SLC47A1: variants seen among roughly 807,000 people sequenced by gnomAD.
SLC47A1 encodes the protein solute carrier family 47 member 1, also known as multidrug and toxin extrusion protein 1.
SLC47A1 carries 58 observed loss-of-function variants against 65.8 expected under a neutral mutation model. That is an observed-to-expected ratio of 0.88 (90% CI 0.71 to 1.10). The LOEUF (loss-of-function observed/expected upper bound fraction) is 1.10, where lower values mean the gene tolerates loss of function less well. SLC47A1 is among the 50% of genes least tolerant of loss of function. The pLI, the probability that SLC47A1 is intolerant of heterozygous loss-of-function variation, is 0.00. For missense variants in SLC47A1, 706 were observed against 719.2 expected (o/e 0.98, Z 0.21); for synonymous variants, 285 against 295.0 (o/e 0.97, Z 0.35).
chr17:19,577,399 A>G lies in SLC47A1; in HGVS notation c.1559A>G (p.Gln520Arg). 6.2e-7 allele frequency: 1 copy of G among 1,614,232 alleles called. No individual in the cohort carries two copies. The highest frequency in any genetic ancestry group is 1.1e-5 in the South Asian group (1 of 91,090). ...ACAGGCGAGCCTCAGTCAGATCAGC[A>G]GATGCGCCAAGAAGAACCTTTGCCG... is the stretch of plus-strand genomic sequence containing the variant. ...GKTGEPQSDQ[Q>R]MRQEEPLPEH... is the part of the protein sequence containing the mutation. Residue 520 changes from glutamine (Q) to arginine (R), a missense_variant, in exon 17 of 17, where the codon CAG (glutamine) becomes CGG (arginine). By Grantham distance (43) the Gln-to-Arg change is conservative. Coordinates refer to ENST00000270570, the MANE Select transcript of SLC47A1 (RefSeq NM_018242.3).
chr17:19,575,964 AG>A (rs1222831664), intron 16 of SLC47A1, among the ~76,000 whole-genome samples: 4 of 152,164 alleles, frequency 2.6e-5, no homozygotes, highest in Admixed American at 6.6e-5. Flanking sequence ...GAGAGGAGAT[AG>A]GGCATTTGGT....
chr17:19,551,720 T>C (rs916309843), intron 6 of SLC47A1, among the ~76,000 whole-genome samples: 2 of 152,228 alleles, frequency 1.3e-5, no homozygotes, highest in East Asian at 1.9e-4. Context: ...CACTTGGAAA[T>C]ATTGTCATTG....
chr17:19,560,956 G>C (rs562553264), intron 12 of SLC47A1, among the ~76,000 whole-genome samples: 76 of 152,020 alleles, frequency 5.0e-4, no homozygotes, highest in African/African-American at 1.8e-3. Context: ...TTTAAAACTA[G>C]GAATTTTTTT....
intron 16 of SLC47A1, among the ~76,000 whole-genome samples, chr17:19,576,383 T>C (rs898442412): frequency 5.5e-5 from 8 of 144,888 alleles, no homozygotes; most frequent in Middle Eastern, 3.2e-3. Flanking sequence ...ACTGGGTCTC[T>C]CTCTGTCACT....
chr17:19,568,062 T>A (rs2084373955), intron 14 of SLC47A1: 1 of 152,248 alleles, frequency 6.6e-6, no homozygotes, highest in Admixed American at 6.5e-5. Flanking sequence ...TATTGGCAGT[T>A]AATAAATGAT....
intron 8 of SLC47A1, 44 bp downstream of exon 8, chr17:19,555,734 T>C: frequency 6.2e-7 from 1 of 1,613,698 alleles, no homozygotes; most frequent in South Asian, 1.1e-5. Flanking sequence ...GTGGGTTTTG[T>C]CTCAGGTTGA....
At chr17:19,574,015 C>T (rs963728313) in intron 16 of SLC47A1, among the ~76,000 whole-genome samples, 1 of 151,156 alleles carries the variant, frequency 6.6e-6, no homozygotes, top group African/African-American at 2.4e-5. Context: ...CTCCGCCTCC[C>T]GGGTTCAAGC....
chr17:19,543,112 TC>T (rs1210993302), intron 2 of SLC47A1, among the ~76,000 whole-genome samples: 9 of 122,830 alleles, frequency 7.3e-5, no homozygotes, highest in African/African-American at 2.4e-4. Flanking sequence ...TTATTTCTTT[TC>T]TTTTTTTTTT....
chr17:19,553,304 T>C (rs1413175247), intron 6 of SLC47A1, among the ~76,000 whole-genome samples: 3 of 152,128 alleles, frequency 2.0e-5, no homozygotes, highest in Non-Finnish European at 2.9e-5. Flanking sequence ...GCATGCGTGT[T>C]GCAGGCTTGG....
intron 2 of SLC47A1, among the ~76,000 whole-genome samples, chr17:19,543,543 T>C (rs1916209437): frequency 6.6e-6 from 1 of 152,120 alleles, no homozygotes; most frequent in South Asian, 2.1e-4. Context: ...CACTCCTCAG[T>C]TGTCTGTCTT....
At chr17:19,563,228 G>C (rs534787241) in intron 12 of SLC47A1, among the ~76,000 whole-genome samples, 1 of 148,092 alleles carries the variant, frequency 6.8e-6, no homozygotes, top group African/African-American at 2.5e-5. Context: ...TGCCTCCCGG[G>C]TTCACGCCAT....
chr17:19,541,543 TG>T (rs1298864913), intron 1 of SLC47A1, among the ~76,000 whole-genome samples: 2 of 152,188 alleles, frequency 1.3e-5, no homozygotes, highest in Non-Finnish European at 2.9e-5. Flanking sequence ...TTCCAGAATT[TG>T]CCCTCACATC....
rs2084454694 is a variant in SLC47A1, at chr17:19,578,053, G to C, written c.*500G>C. 2.0e-6 allele frequency: 2 copies of C among 992,888 alleles called. No homozygotes were observed. Among genetic ancestry groups the C allele is most frequent in the East Asian group, 6.0e-5 (1 of 16,644 alleles). The allele number at this position is 992,888 out of a possible 1,614,324, so 61.5% of individuals were successfully genotyped here. A position where few individuals can be genotyped will look rare whatever the true frequency, so the allele number is the denominator to read the frequency against. On this transcript the variant is annotated 3_prime_UTR_variant, in exon 17 of 17. Transcript: ENST00000270570. ...GCTGGAGTGCGGTGGTGCGATCATA[G>C]CTCACTGCAGCCTCGAACTCTTGGG...
At position 19,560,299 on chromosome 17, in the gene SLC47A1, G is replaced by C. The variant is rs1186242667; in HGVS notation, c.1030+3G>C. On this transcript the variant is annotated splice_donor_region_variant and intron_variant, in intron 11 of 16. Coordinates refer to ENST00000270570, the MANE Select transcript of SLC47A1 (RefSeq NM_018242.3). ...TACCGTTTCCCTGCTGATTACAGGTGCTGAGACCCCTTTACCCGAGGCTCT... is the reference window on the plus strand; with the variant it reads ...TACCGTTTCCCTGCTGATTACAGGTCCTGAGACCCCTTTACCCGAGGCTCT... 1 of 1,612,586 alleles carries C rather than the reference G, an allele frequency of 6.2e-7. No individual in the cohort carries two copies. Among genetic ancestry groups the C allele is most frequent in the Non-Finnish European group, 8.5e-7 (1 of 1,178,792 alleles).
chr17:19,543,998 C>G (rs191004059), intron 2 of SLC47A1, among the ~76,000 whole-genome samples: 1 of 152,118 alleles, frequency 6.6e-6, no homozygotes, highest in African/African-American at 2.4e-5. Flanking sequence ...CTCTGTCGCC[C>G]GGTCTGGAGT....
intron 12 of SLC47A1, among the ~76,000 whole-genome samples, chr17:19,563,298 A>G (rs980679275): frequency 1.8e-4 from 27 of 151,688 alleles, no homozygotes; most frequent in African/African-American, 6.5e-4. Flanking sequence ...ACGCTCGGCT[A>G]ATTTTTTGTA....
intron 6 of SLC47A1, among the ~76,000 whole-genome samples, chr17:19,554,243 A>G (rs1597501290): frequency 6.6e-6 from 1 of 152,176 alleles, no homozygotes; most frequent in Admixed American, 6.6e-5. Context: ...GGGGCCCAAC[A>G]TCAGGCCTGG....
intron 7 of SLC47A1, 89 bp from the exon 8 acceptor site, chr17:19,555,504 C>A: frequency 7.1e-7 from 1 of 1,407,962 alleles, no homozygotes; most frequent in Non-Finnish European, 1.0e-6. Context: ...GAGGACAGCA[C>A]GGGAAGGGAT....
At position 19,577,566 on chromosome 17, in the gene SLC47A1, G is replaced by GA; in HGVS notation, c.*16dup. 6.2e-7 allele frequency: 1 copy of GA among 1,613,742 alleles called. No homozygotes were observed. The highest frequency in any genetic ancestry group is 8.5e-7 in the Non-Finnish European group (1 of 1,179,770). On this transcript the variant is annotated 3_prime_UTR_variant, in exon 17 of 17. Coordinates refer to ENST00000270570, the MANE Select transcript of SLC47A1 (RefSeq NM_018242.3). Reference sequence around the variant, plus strand: ...CAGAATTCAGTGACGTGGTAGGAAAGAAAGTCAGGTCAAGTGATGCTTTTG... The same window carrying GA: ...CAGAATTCAGTGACGTGGTAGGAAAGAAAAGTCAGGTCAAGTGATGCTTTTG...
Sources: gnomAD v4.1 joint callset for allele counts (sites outside exome capture counted in the v4.1 genomes callset) on GRCh38, gnomAD v4.1.1 for gene constraint, MANE v1.5 for transcripts, NCBI Gene and HGNC (gene_info 2026-07-23, HGNC 2026-07-21) for gene names.